Variants in PRKCE observed in about 807,000 individuals in gnomAD.
PRKCE encodes the protein protein kinase C epsilon type.
PRKCE carries 16 observed loss-of-function variants against 85.4 expected under a neutral mutation model. The observed-to-expected ratio is 0.19, with a 90% CI of 0.13 to 0.28. The LOEUF (loss-of-function observed/expected upper bound fraction) is 0.28. Among genes scored for constraint, PRKCE ranks in the 10% least tolerant of loss-of-function variants. The pLI is 1.00. For missense variants in PRKCE, 573 were observed against 975.2 expected (o/e 0.59, Z 5.49); for synonymous variants, 388 against 371.5 (o/e 1.04, Z -0.51).
At chr2:46,182,641 G>C (rs1680112337) in intron 14 of PRKCE, among the ~76,000 whole-genome samples, 2 of 152,176 alleles carry the variant, frequency 1.3e-5, no homozygotes, top group South Asian at 2.1e-4. Flanking sequence ...AGGCAGGACT[G>C]GTGGTGCTAA....
chr2:45,670,169 G>A (rs545140602), intron 1 of PRKCE, among the ~76,000 whole-genome samples: 10 of 152,142 alleles, frequency 6.6e-5, no homozygotes, highest in South Asian at 6.2e-4. Flanking sequence ...TAAGTCGGCC[G>A]CGTGCCTTCT....
intron 2 of PRKCE, among the ~76,000 whole-genome samples, chr2:45,906,108 C>T (rs1042083139): frequency 1.3e-5 from 2 of 152,256 alleles, no homozygotes; most frequent in Non-Finnish European, 2.9e-5. Context: ...TTCCTGCTCC[C>T]CGCAACTCTG....
chr2:45,947,467 TGTATA>T (rs1409727529), intron 2 of PRKCE, among the ~76,000 whole-genome samples: 1 of 152,208 alleles, frequency 6.6e-6, no homozygotes, highest in Admixed American at 6.5e-5. Flanking sequence ...ACAGGTGAAT[TGTATA>T]GTATGTGAAT....
chr2:46,095,672 T>C (rs1217051875), intron 11 of PRKCE, among the ~76,000 whole-genome samples: 3 of 152,264 alleles, frequency 2.0e-5, no homozygotes, highest in African/African-American at 7.2e-5. Flanking sequence ...TTCAGTTTTC[T>C]TGGATCTACT....
At chr2:45,940,459 T>C (rs918861154) in intron 2 of PRKCE, among the ~76,000 whole-genome samples, 21 of 152,218 alleles carry the variant, frequency 1.4e-4, no homozygotes, top group Admixed American at 3.3e-4. Flanking sequence ...CATTTCAAAA[T>C]GTTGTTGCTG....
intron 1 of PRKCE, among the ~76,000 whole-genome samples, chr2:45,686,851 G>A (rs985563353): frequency 1.3e-5 from 2 of 152,096 alleles, no homozygotes; most frequent in African/African-American, 4.8e-5. Context: ...TTTGTCTTTG[G>A]TGGCATTTTA....
intron 11 of PRKCE, among the ~76,000 whole-genome samples, chr2:46,092,906 T>G (rs1670319485): frequency 6.6e-6 from 1 of 152,228 alleles, no homozygotes; most frequent in East Asian, 1.9e-4. Context: ...AGTTAATAAC[T>G]GGAAGGTCTA....
At chr2:45,957,035 A>G (rs1701020796) in intron 2 of PRKCE, among the ~76,000 whole-genome samples, 1 of 89,342 alleles carries the variant, frequency 1.1e-5, no homozygotes, top group Admixed American at 1.1e-4. Context: ...CATATTCTAC[A>G]TGTGTTTTAC....
At chr2:45,672,771 AT>A (rs1486168151) in intron 1 of PRKCE, among the ~76,000 whole-genome samples, 8 of 152,174 alleles carry the variant, frequency 5.3e-5, no homozygotes, top group Non-Finnish European at 1.2e-4. Flanking sequence ...CACGCCTGTA[AT>A]CCCAGCACTG....
At chr2:45,745,234 G>A (rs1278758610) in intron 1 of PRKCE, among the ~76,000 whole-genome samples, 2 of 152,190 alleles carry the variant, frequency 1.3e-5, no homozygotes, top group Non-Finnish European at 2.9e-5. Context: ...GACTGAGACA[G>A]ATGGTGGTGG....
chr2:45,894,930 C>T (rs965230579), intron 2 of PRKCE, among the ~76,000 whole-genome samples: 2 of 152,160 alleles, frequency 1.3e-5, no homozygotes, highest in Non-Finnish European at 2.9e-5. Flanking sequence ...GCCATGTTGG[C>T]CAGGCTGGTC....
At chr2:45,912,573 C>T (rs548818254) in intron 2 of PRKCE, among the ~76,000 whole-genome samples, 7 of 152,198 alleles carry the variant, frequency 4.6e-5, no homozygotes, top group African/African-American at 1.7e-4. Context: ...TCTGACAGCT[C>T]CTGGCAGTTG....
chr2:45,820,994 A>T (rs1315839160), intron 1 of PRKCE, among the ~76,000 whole-genome samples: 1 of 152,052 alleles, frequency 6.6e-6, no homozygotes, highest in Non-Finnish European at 1.5e-5. Context: ...AAATCACCTT[A>T]TACAAGAGAT....
intron 10 of PRKCE, among the ~76,000 whole-genome samples, chr2:46,079,955 A>T (rs1574415481): frequency 1.3e-5 from 2 of 152,302 alleles, no homozygotes; most frequent in African/African-American, 4.8e-5. Context: ...TCCTAATTTT[A>T]TTATTTTACT....
chr2:45,705,231 G>T (rs545488727), intron 1 of PRKCE, among the ~76,000 whole-genome samples: 1 of 152,180 alleles, frequency 6.6e-6, no homozygotes, highest in Non-Finnish European at 1.5e-5. Flanking sequence ...AGCGCTAGGG[G>T]CCTGAACTAT....
In PRKCE at chr2:45,877,515, C is replaced by T. The variant is rs946749017; in HGVS notation, c.412+34452C>T. ...CTGACTGATTAAGTCTCTTTCTGTACCTAGTGTGATATTAAACTGTTACAT... is the reference window on the plus strand; with the variant it reads ...CTGACTGATTAAGTCTCTTTCTGTATCTAGTGTGATATTAAACTGTTACAT... On this transcript the variant is annotated intron_variant, in intron 2 of 14. Coordinates refer to ENST00000306156, the MANE Select transcript of PRKCE (RefSeq NM_005400.3). 6.6e-5 allele frequency among the ~76,000 whole-genome samples: 10 copies of T among 151,960 alleles called. No individual in the cohort carries two copies. The South Asian group carries it at 1.7e-3, about 25-fold the overall frequency.
At chr2:46,137,678 G>C (rs1037569718) in intron 11 of PRKCE, among the ~76,000 whole-genome samples, 15 of 150,530 alleles carry the variant, frequency 1.0e-4, no homozygotes, top group Non-Finnish European at 1.8e-4. Flanking sequence ...CAGGAGAATC[G>C]CTTGATCCTG....
chr2:46,141,887 C>T (rs749483196), intron 11 of PRKCE, among the ~76,000 whole-genome samples: 7 of 152,148 alleles, frequency 4.6e-5, no homozygotes, highest in Non-Finnish European at 1.0e-4. Flanking sequence ...TGGGAACTCT[C>T]AGGAGAATAG....
At chr2:45,743,761 G>C (rs1057382645) in intron 1 of PRKCE, among the ~76,000 whole-genome samples, 1 of 152,086 alleles carries the variant, frequency 6.6e-6, no homozygotes, top group Admixed American at 6.6e-5. Context: ...CAGATACTTT[G>C]AGCCAACACA....
Sources: gnomAD v4.1 joint callset for allele counts (sites outside exome capture counted in the v4.1 genomes callset) on GRCh38, gnomAD v4.1.1 for gene constraint, MANE v1.5 for transcripts, NCBI Gene and HGNC (gene_info 2026-07-23, HGNC 2026-07-21) for gene names.